RNF169: variants seen among roughly 807,000 people sequenced by gnomAD.
RNF169 encodes ring finger protein 169.
Under a neutral mutation model 53.9 loss-of-function variants are expected in RNF169, and 24 were observed. That is an observed-to-expected ratio of 0.45 (90% CI 0.32 to 0.63). The LOEUF is 0.63. Among genes scored for constraint, RNF169 ranks in the 20% least tolerant of loss-of-function variants. The pLI is 0.04. For synonymous variants in RNF169, 396 were observed against 363.5 expected (o/e 1.09, Z -1.02); for missense variants, 883 against 906.2 (o/e 0.97, Z 0.33).
chr11:74,824,813 AAAG>A (rs1350009102), intron 4 of RNF169, among the ~76,000 whole-genome samples: 1 of 152,186 alleles, frequency 6.6e-6, no homozygotes, highest in Admixed American at 6.5e-5. Flanking sequence ...ACAGGACAAA[AAAG>A]AAAGGGTTGC....
intron 1 of RNF169, among the ~76,000 whole-genome samples, chr11:74,785,274 T>TAG (rs1168221498): frequency 7.0e-6 from 1 of 141,928 alleles, no homozygotes. Flanking sequence ...TTATATATAT[T>TAG]AGATATATAT....
intron 1 of RNF169, 57 bp from the exon 2 acceptor site, chr11:74,789,569 C>T (rs974182414): frequency 2.8e-6 from 3 of 1,081,634 alleles, no homozygotes; most frequent in African/African-American, 3.1e-5. Flanking sequence ...ATTGTGCCTC[C>T]TGTGGGTCTT....
intron 1 of RNF169, among the ~76,000 whole-genome samples, chr11:74,766,331 C>G (rs981829936): frequency 6.6e-6 from 1 of 151,970 alleles, no homozygotes; most frequent in African/African-American, 2.4e-5. Flanking sequence ...CTTTCTTCCA[C>G]AAATAAATTA....
In RNF169 at chr11:74,757,218, A is replaced by G. The variant is rs1305109850; in HGVS notation, c.502+7836A>G. On this transcript the variant is annotated intron_variant, in intron 1 of 5. Transcript: ENST00000299563. ...TGTGTCCATGTGATCTCATTGTTCAATTCCCACCTATGAGTGAGAATATGC... is the reference window on the plus strand; with the variant it reads ...TGTGTCCATGTGATCTCATTGTTCAGTTCCCACCTATGAGTGAGAATATGC... 8.7e-3 allele frequency among the ~76,000 whole-genome samples: 1,094 copies of G among 125,728 alleles called. 19 individuals are homozygous for G. Among genetic ancestry groups the G allele is most frequent in the African/African-American group, 0.032 (1,009 of 31,206 alleles). 82.5% of individuals were successfully genotyped at this position (125,728 alleles called of 152,430 possible). A position where few individuals can be genotyped will look rare whatever the true frequency, so the allele number is the denominator to read the frequency against.
intron 2 of RNF169, among the ~76,000 whole-genome samples, chr11:74,791,612 G>T (rs1045470572): frequency 2.6e-5 from 4 of 152,236 alleles, no homozygotes; most frequent in Admixed American, 2.0e-4. Context: ...CACCCAGCTG[G>T]GTAGTGACAG....
chr11:74,788,544 C>T (rs1050083827), intron 1 of RNF169, among the ~76,000 whole-genome samples: 2 of 152,048 alleles, frequency 1.3e-5, no homozygotes, highest in Admixed American at 1.3e-4. Context: ...AGGTGCCCAC[C>T]ACCACACCCA....
At chr11:74,804,217 T>C (rs2135108417) in intron 2 of RNF169, among the ~76,000 whole-genome samples, 1 of 152,214 alleles carries the variant, frequency 6.6e-6, no homozygotes, top group South Asian at 2.1e-4. Flanking sequence ...GTGTGCCCTG[T>C]GATGGAATGG....
chr11:74,754,184 A>G (rs1476005047), intron 1 of RNF169, among the ~76,000 whole-genome samples: 2 of 152,218 alleles, frequency 1.3e-5, no homozygotes, highest in Admixed American at 6.5e-5. Context: ...CATGGAGCTT[A>G]TATTCTAAAT....
intron 1 of RNF169, among the ~76,000 whole-genome samples, chr11:74,762,731 A>G (rs976016944): frequency 4.6e-5 from 7 of 152,234 alleles, no homozygotes; most frequent in African/African-American, 1.7e-4. Flanking sequence ...GTAAGCCCAA[A>G]AGCTGCATAA....
chr11:74,795,685 A>T (rs1190426495), intron 2 of RNF169, among the ~76,000 whole-genome samples: 1 of 151,638 alleles, frequency 6.6e-6, no homozygotes, highest in African/African-American at 2.4e-5. Context: ...ATATAGTGAG[A>T]CCCTATCTCT....
At chr11:74,815,859 G>T (rs1430130289) in intron 3 of RNF169, among the ~76,000 whole-genome samples, 8 of 152,162 alleles carry the variant, frequency 5.3e-5, no homozygotes, top group Non-Finnish European at 8.8e-5. Flanking sequence ...ATGAAGAGAG[G>T]TTTATATAGA....
At chr11:74,791,690 G>A (rs2035581818) in intron 2 of RNF169, among the ~76,000 whole-genome samples, 1 of 152,256 alleles carries the variant, frequency 6.6e-6, no homozygotes, top group Non-Finnish European at 1.5e-5. Flanking sequence ...AGGCCAGGCA[G>A]TGGGAGCAGG....
At chr11:74,786,900 G>C (rs1195733286) in intron 1 of RNF169, among the ~76,000 whole-genome samples, 2 of 152,118 alleles carry the variant, frequency 1.3e-5, no homozygotes, top group African/African-American at 4.8e-5. Flanking sequence ...TATCAGTGAA[G>C]TATTTTGGAG....
intron 1 of RNF169, among the ~76,000 whole-genome samples, chr11:74,785,909 A>G (rs2035493470): frequency 6.6e-6 from 1 of 151,938 alleles, no homozygotes; most frequent in East Asian, 1.9e-4. Flanking sequence ...ATATGTATCA[A>G]AGTAGTTGGA....
intron 2 of RNF169, among the ~76,000 whole-genome samples, chr11:74,792,637 G>A (rs1430569703): frequency 2.6e-5 from 4 of 152,124 alleles, no homozygotes; most frequent in South Asian, 2.1e-4. Context: ...TCCTGACTTC[G>A]TGATTCACCT....
rs930990135 is a variant in RNF169 at position 74,808,482 on chromosome 11, G to A, written c.577-1702G>A. 7.2e-5 allele frequency among the ~76,000 whole-genome samples: 11 copies of A among 152,344 alleles called. No individual in the cohort carries two copies. The East Asian group carries it at 1.9e-3, about 27-fold the overall frequency. On this transcript the variant is annotated intron_variant, in intron 2 of 5. Transcript: ENST00000299563. ...CCAGACTTGCCGAATGTTCTGGCAA[G>A]TTGGGGAGGGAGGCAGAATAATTCT...
chr11:74,753,648 A>G (rs986581970), intron 1 of RNF169, among the ~76,000 whole-genome samples: 1 of 152,240 alleles, frequency 6.6e-6, no homozygotes, highest in Non-Finnish European at 1.5e-5. Flanking sequence ...GGATCAATTG[A>G]TAAAGGAAAC....
intron 3 of RNF169, among the ~76,000 whole-genome samples, chr11:74,814,498 C>T (rs1565183880): frequency 6.8e-6 from 1 of 146,190 alleles, no homozygotes; most frequent in Non-Finnish European, 1.5e-5. Context: ...CCTTTTACTT[C>T]AGCCTCTGAA....
intron 4 of RNF169, among the ~76,000 whole-genome samples, chr11:74,823,495 G>A (rs976496515): frequency 6.6e-6 from 1 of 152,096 alleles, no homozygotes; most frequent in Non-Finnish European, 1.5e-5. Flanking sequence ...TAGCACTTTG[G>A]GAGGCTGAGG....
Sources: allele counts gnomAD v4.1 joint callset (sites outside exome capture counted in the v4.1 genomes callset), GRCh38; gene constraint gnomAD v4.1.1; transcripts MANE v1.5; gene names NCBI Gene and HGNC (gene_info 2026-07-23, HGNC 2026-07-21).